Variants in FARS2 observed in about 807,000 individuals in gnomAD.
FARS2 encodes phenylalanine--tRNA ligase, mitochondrial.
Under a neutral mutation model 46.4 loss-of-function variants are expected in FARS2, and 40 were observed. The ratio of observed to expected loss-of-function variants is 0.86; its 90% CI spans 0.67 to 1.12. The LOEUF (loss-of-function observed/expected upper bound fraction) is 1.12. Among genes scored for constraint, FARS2 ranks in the 50% most tolerant of loss-of-function variants. The probability of loss-of-function intolerance (pLI) is 0.00; values close to 1 mark genes in which losing one functional copy is unlikely to be tolerated. For missense variants in FARS2, 513 were observed against 567.9 expected (o/e 0.90, Z 0.98); for synonymous variants, 234 against 214.9 (o/e 1.09, Z -0.78).
chr6:5,375,876 G>C (rs1052556623), intron 2 of FARS2, among the ~76,000 whole-genome samples: 4 of 151,998 alleles, frequency 2.6e-5, no homozygotes, highest in African/African-American at 9.7e-5. Context: ...AGAAAATATA[G>C]GAGATTGTCA....
At position 5,585,070 on chromosome 6, in the gene FARS2, T is replaced by A. The variant is rs1329329597; in HGVS notation, c.1066-28099T>A. Among the ~76,000 whole-genome samples, 5 of 152,186 alleles carry A rather than the reference T, an allele frequency of 3.3e-5. No individual in the cohort carries two copies. In the East Asian group the frequency reaches 9.6e-4, roughly 29 times the overall value. On this transcript the variant is annotated intron_variant, in intron 5 of 6. Transcript: ENST00000274680. ...TAAAGCTCTTTAAGATTCATATATA[T>A]AAGCTATATATGAAAAGCAAGCAGA...
intron 1 of FARS2, among the ~76,000 whole-genome samples, chr6:5,342,939 A>G (rs1771759080): frequency 6.6e-6 from 1 of 152,116 alleles, no homozygotes; most frequent in Non-Finnish European, 1.5e-5. Flanking sequence ...GAACTCAAAT[A>G]CTGGGAAAGA....
intron 3 of FARS2, among the ~76,000 whole-genome samples, chr6:5,412,681 A>G (rs968839717): frequency 7.9e-5 from 12 of 152,246 alleles, no homozygotes; most frequent in African/African-American, 2.9e-4. Flanking sequence ...ATTTATAATT[A>G]ATTGTTAGTG....
chr6:5,434,552 A>G (rs913363507), intron 4 of FARS2, among the ~76,000 whole-genome samples: 2 of 152,200 alleles, frequency 1.3e-5, no homozygotes, highest in African/African-American at 4.8e-5. Context: ...GTGTTCTCAA[A>G]TTCGAAGGTG....
intron 1 of FARS2, among the ~76,000 whole-genome samples, chr6:5,365,705 A>G (rs1188769298): frequency 3.3e-5 from 5 of 151,812 alleles, no homozygotes; most frequent in African/African-American, 1.2e-4. Context: ...GTCAGTTGAA[A>G]ATTCCTGTAT....
At chr6:5,417,045 C>T (rs1399777739) in intron 3 of FARS2, among the ~76,000 whole-genome samples, 1 of 152,202 alleles carries the variant, frequency 6.6e-6, no homozygotes, top group Non-Finnish European at 1.5e-5. Flanking sequence ...TTACCATCTT[C>T]AGTGCTCTTC....
chr6:5,469,228 G>A (rs2150316808), intron 4 of FARS2, among the ~76,000 whole-genome samples: 1 of 152,262 alleles, frequency 6.6e-6, no homozygotes, highest in South Asian at 2.1e-4. Flanking sequence ...CCCTCATGCA[G>A]CTATCATCAC....
Position 5,327,550 on chromosome 6 carries a change from C to T in FARS2, c.-21-41000C>T, listed in dbSNP as rs948019287. Among the ~76,000 whole-genome samples the T allele has an allele frequency of 2.0e-5, 3 of 152,310 alleles. No homozygotes were observed. In the East Asian group the frequency reaches 5.8e-4, roughly 29 times the overall value. ...AAAGGAAAGTTCCCCTGCACACACT[C>T]TCTTGCCTGCCACCATGTAAGATAT... On this transcript the variant is annotated intron_variant, in intron 1 of 6. Transcript: ENST00000274680.
At chr6:5,337,028 T>C (rs6925426) in intron 1 of FARS2, among the ~76,000 whole-genome samples, 90,234 of 151,112 alleles carry the variant, frequency 0.6, 27,249 homozygotes, top group East Asian at 0.82. Context: ...AAACTCTGTA[T>C]ATTCTATTTT....
intron 1 of FARS2, among the ~76,000 whole-genome samples, chr6:5,364,654 A>G (rs1758531437): frequency 6.6e-6 from 1 of 152,220 alleles, no homozygotes; most frequent in African/African-American, 2.4e-5. Flanking sequence ...GCAGCTATTC[A>G]ATCTTACCTT....
At chr6:5,707,623 T>G (rs79724574) in intron 6 of FARS2, among the ~76,000 whole-genome samples, 5,966 of 152,256 alleles carry the variant, frequency 0.039, 396 homozygotes, top group African/African-American at 0.14. Context: ...AGTATCCTTG[T>G]GAGTGGAGCA....
At chr6:5,252,206 A>T in the FARS2 span, among the ~76,000 whole-genome samples, 2 of 152,170 alleles carry the variant, frequency 1.3e-5, no homozygotes, top group African/African-American at 4.8e-5. Context: ...CAGATTTTGC[A>T]GGCTTATTCA....
At position 5,717,921 on chromosome 6, in the gene FARS2, T is replaced by TAGAGAGAGAGAGAGAGAGAGAGAG. The variant is rs1561818430; in HGVS notation, c.1218-53369_1218-53368insGAGAGAGAGAGAGAGAGAGAGAGA. Among the ~76,000 whole-genome samples the TAGAGAGAGAGAGAGAGAGAGAGAG allele has an allele frequency of 5.6e-4, 17 of 30,518 alleles. 2 individuals carry two copies. The highest frequency in any genetic ancestry group is 4.8e-3 in the African/African-American group (17 of 3,550). The allele number at this position is 30,518 out of a possible 152,430, so 20.0% of individuals were successfully genotyped here. A position where few individuals can be genotyped will look rare whatever the true frequency, so the allele number is the denominator to read the frequency against. ...AGAAGGTATCAGCTATATATATATA[T>TAGAGAGAGAGAGAGAGAGAGAGAG]ATATATATATATATACAGAGTCTCA... On this transcript the variant is annotated intron_variant, in intron 6 of 6. Coordinates refer to ENST00000274680, the MANE Select transcript of FARS2 (RefSeq NM_006567.5).
In FARS2 at chr6:5,368,962, T is replaced by C; in HGVS notation, c.392T>C (p.Ile131Thr). ...TGGCAGAACTTTGACAGCCTGCTCA[T>C]CCCAGCTGATCACCCCAGCAGGAAG... is the stretch of plus-strand genomic sequence containing the variant. ...TTWQNFDSLL[I>T]PADHPSRKKG... The change falls in exon 2 of 7, where the codon ATC becomes ACC. Residue 131 changes from isoleucine to threonine, a missense_variant. Ile to Thr is a moderately conservative substitution (Grantham distance 89). Transcript: ENST00000274680. 4 of 1,614,104 alleles carry C rather than the reference T, an allele frequency of 2.5e-6. No individual in the cohort carries two copies. Among genetic ancestry groups the C allele is most frequent in the Non-Finnish European group, 3.4e-6 (4 of 1,180,024 alleles).
chr6:5,354,433 C>T (rs963017660), intron 1 of FARS2, among the ~76,000 whole-genome samples: 1 of 151,730 alleles, frequency 6.6e-6, no homozygotes, highest in African/African-American at 2.4e-5. Flanking sequence ...TTACTATGGT[C>T]ATTGATAAAA....
chr6:5,315,894 G>A (rs1769484548), intron 1 of FARS2, among the ~76,000 whole-genome samples: 1 of 152,178 alleles, frequency 6.6e-6, no homozygotes, highest in African/African-American at 2.4e-5. Flanking sequence ...TTTAAATGAA[G>A]TCATTTCCCT....
At chr6:5,643,171 C>A (rs1042930680) in intron 6 of FARS2, among the ~76,000 whole-genome samples, 6 of 152,204 alleles carry the variant, frequency 3.9e-5, no homozygotes, top group African/African-American at 1.4e-4. Context: ...TCTGTCTTCA[C>A]ACGCACAAAT....
intron 1 of FARS2, among the ~76,000 whole-genome samples, chr6:5,279,504 C>T (rs1043885480): frequency 5.3e-5 from 8 of 149,798 alleles, no homozygotes; most frequent in South Asian, 2.1e-4. Flanking sequence ...TGAGTGTATT[C>T]GTTTGGCTAG....
chr6:5,434,627 T>C (rs115346124), intron 4 of FARS2, among the ~76,000 whole-genome samples: 1,789 of 152,296 alleles, frequency 0.012, 31 homozygotes, highest in African/African-American at 0.041. Flanking sequence ...CATTTGTAAG[T>C]GCAGCTAAAT....
Sources: allele counts gnomAD v4.1 joint callset (sites outside exome capture counted in the v4.1 genomes callset), GRCh38; gene constraint gnomAD v4.1.1; transcripts MANE v1.5; gene names NCBI Gene and HGNC (gene_info 2026-07-23, HGNC 2026-07-21).